PPP1CB: variants seen among roughly 807,000 people sequenced by gnomAD.
PPP1CB encodes the protein protein phosphatase 1 catalytic subunit beta.
A neutral mutation model predicts 43.7 loss-of-function variants in PPP1CB; 2 were observed. That is an observed-to-expected ratio of 0.05 (90% CI 0.02 to 0.14). PPP1CB has a LOEUF of 0.14. PPP1CB is among the 10% of genes least tolerant of loss of function. The pLI, the probability that PPP1CB is intolerant of heterozygous loss-of-function variation, is 1.00. For synonymous variants in PPP1CB, 136 were observed against 135.6 expected, an observed-to-expected ratio of 1.00 and a Z score of -0.02; for missense variants, 84 against 398.0, an observed-to-expected ratio of 0.21 and a Z score of 6.71.
upstream of PPP1CB, chr2:28,751,664 A>T (rs147139861): frequency 5.4e-6 from 1 of 184,034 alleles, no homozygotes; most frequent in African/African-American, 2.4e-5. Context: ...CGGCAGCGGG[A>T]GAAGCCGCTC....
At chr2:28,776,163 C>A (rs1405685640) in intron 1 of PPP1CB, among the ~76,000 whole-genome samples, 3 of 151,440 alleles carry the variant, frequency 2.0e-5, no homozygotes, top group African/African-American at 7.3e-5. Context: ...GTTTTGACAT[C>A]CTACTAGATG....
At position 28,776,969 on chromosome 2, in the gene PPP1CB, G is replaced by T. The variant is rs749986410; in HGVS notation, c.171G>T (p.Pro57=). Residue 57 remains proline, a synonymous_variant, in exon 2 of 8, where the codon CCG becomes CCT. Transcript: ENST00000395366. The part of the protein sequence containing the change: ...SQPILLELEA[P]LKICGDIHGQ... ...CTATTCTTTTGGAATTGGAAGCACC[G>T]CTGAAAATTTGTGGTATGTAAATGG... The T allele has an allele frequency of 1.2e-6, 2 of 1,612,880 alleles. No individual in the cohort carries two copies. Among genetic ancestry groups the T allele is most frequent in the African/African-American group, 1.3e-5 (1 of 74,892 alleles).
intron 1 of PPP1CB, among the ~76,000 whole-genome samples, chr2:28,774,072 C>T (rs1257372808): frequency 2.6e-5 from 4 of 152,158 alleles, no homozygotes; most frequent in Non-Finnish European, 5.9e-5. Flanking sequence ...TGTGGATTTG[C>T]TTGACTTACA....
At chr2:28,779,068 A>G (rs1458628622) in intron 3 of PPP1CB, 29 bp downstream of exon 3, 3 of 1,460,792 alleles carry the variant, frequency 2.1e-6, no homozygotes, top group South Asian at 2.4e-5. Context: ...TTAGAAAAGT[A>G]ATTCATGGAA....
chr2:28,754,422 T>C (rs1666432170), intron 1 of PPP1CB, among the ~76,000 whole-genome samples: 1 of 152,106 alleles, frequency 6.6e-6, no homozygotes. Context: ...GTTGACCTCC[T>C]CCTTGCCAGG....
intron 1 of PPP1CB, among the ~76,000 whole-genome samples, chr2:28,764,451 C>T (rs1352712842): frequency 1.4e-5 from 2 of 145,848 alleles, no homozygotes; most frequent in East Asian, 4.0e-4. Flanking sequence ...CAGGGCGAGA[C>T]TCCATCTCAA....
chr2:28,784,928 A>AAG (rs1553311203), intron 5 of PPP1CB, among the ~76,000 whole-genome samples: 1 of 120,444 alleles, frequency 8.3e-6, no homozygotes, highest in Admixed American at 1.0e-4. Context: ...AAAAAAAAAA[A>AAG]AAAAAAGAAA....
upstream of PPP1CB, chr2:28,751,753 G>A (rs777339456): frequency 5.8e-5 from 18 of 311,380 alleles, no homozygotes; most frequent in Middle Eastern, 1.1e-3. Flanking sequence ...GGAGAGCTGC[G>A]TGACGCGGCG....
intron 3 of PPP1CB, among the ~76,000 whole-genome samples, chr2:28,781,430 T>G (rs1332693678): frequency 1.3e-5 from 2 of 152,138 alleles, no homozygotes; most frequent in Non-Finnish European, 2.9e-5. Flanking sequence ...ACAATCGATC[T>G]TCTGTATTTA....
intron 5 of PPP1CB, among the ~76,000 whole-genome samples, chr2:28,784,273 A>G (rs936495480): frequency 2.6e-5 from 4 of 152,174 alleles, no homozygotes; most frequent in African/African-American, 9.7e-5. Context: ...TCATACTAGC[A>G]TTGGTTATGT....
intron 1 of PPP1CB, among the ~76,000 whole-genome samples, chr2:28,753,983 G>A (rs1043328935): frequency 2.0e-5 from 3 of 152,036 alleles, no homozygotes; most frequent in African/African-American, 7.2e-5. Flanking sequence ...TGATCCACCC[G>A]CTTCAGCCTC....
chr2:28,752,089 T>C lies in PPP1CB; in HGVS notation c.-36T>C. The stretch of plus-strand genomic sequence containing the variant: ...AGCCTCCGCCGCCGAGAAGCCCTTG[T>C]TCCCGCTGCTGGGAAGGAGAGTCTG... On this transcript the variant is annotated 5_prime_UTR_variant, in exon 1 of 8. Coordinates refer to ENST00000395366, the MANE Select transcript of PPP1CB (RefSeq NM_002709.3). The C allele has an allele frequency of 1.3e-6, 2 of 1,547,558 alleles. No individual in the cohort carries two copies. The highest frequency in any genetic ancestry group is 1.7e-6 in the Non-Finnish European group (2 of 1,144,248).
At position 28,752,044 on chromosome 2, in the gene PPP1CB, G is replaced by C; in HGVS notation, c.-81G>C. The C allele has an allele frequency of 7.2e-7, 1 of 1,383,854 alleles. No homozygotes were observed. Among genetic ancestry groups the C allele is most frequent in the Non-Finnish European group, 1.0e-6 (1 of 995,334 alleles). The allele number at this position is 1,383,854 out of a possible 1,614,324, so 85.7% of individuals were successfully genotyped here. ...AACGCCGCGTGACTTGTAGGTGAGA[G>C]AACGCCGAGCCGTCGCCGCAGCCTC... On this transcript the variant is annotated 5_prime_UTR_variant, in exon 1 of 8. Coordinates refer to ENST00000395366, the MANE Select transcript of PPP1CB (RefSeq NM_002709.3).
chr2:28,754,702 AATC>A (rs1666442481), intron 1 of PPP1CB, among the ~76,000 whole-genome samples: 2 of 152,220 alleles, frequency 1.3e-5, no homozygotes, highest in Non-Finnish European at 2.9e-5. Context: ...AATTATTTTT[AATC>A]TTCAAAGAAA....
chr2:28,754,161 T>A (rs1404967696), intron 1 of PPP1CB, among the ~76,000 whole-genome samples: 1 of 152,228 alleles, frequency 6.6e-6, no homozygotes, highest in African/African-American at 2.4e-5. Context: ...ATTTATGTTT[T>A]AAAATGTTTG....
intron 5 of PPP1CB, among the ~76,000 whole-genome samples, chr2:28,786,093 C>T (rs1349400131): frequency 6.6e-6 from 1 of 152,204 alleles, no homozygotes; most frequent in East Asian, 1.9e-4. Context: ...GTGATGCTAG[C>T]TCATTAAACA....
chr2:28,760,727 A>T (rs1276175647), intron 1 of PPP1CB, among the ~76,000 whole-genome samples: 1 of 152,232 alleles, frequency 6.6e-6, no homozygotes, highest in Admixed American at 6.5e-5. Flanking sequence ...GGTGTTACAT[A>T]GCTTTCACTA....
intron 1 of PPP1CB, among the ~76,000 whole-genome samples, chr2:28,775,541 T>G (rs1387591438): frequency 6.6e-6 from 1 of 152,114 alleles, no homozygotes; most frequent in Non-Finnish European, 1.5e-5. Context: ...TAATTCTGTT[T>G]TTTAAAAACA....
chr2:28,755,025 G>A (rs77461539), intron 1 of PPP1CB, among the ~76,000 whole-genome samples: 2,463 of 152,028 alleles, frequency 0.016, 61 homozygotes, highest in African/African-American at 0.056. Context: ...TTTTTTAGGT[G>A]GGCGTATTAT....
Sources: allele counts gnomAD v4.1 joint callset (sites outside exome capture counted in the v4.1 genomes callset), GRCh38; gene constraint gnomAD v4.1.1; transcripts MANE v1.5; gene names NCBI Gene and HGNC (gene_info 2026-07-23, HGNC 2026-07-21).